Variants in THSD7A observed in about 807,000 individuals in gnomAD.
THSD7A encodes thrombospondin type 1 domain containing 7A.
A neutral mutation model predicts 231.3 loss-of-function variants in THSD7A; 96 were observed. The observed-to-expected ratio is 0.41, with a 90% CI of 0.35 to 0.49. The LOEUF (loss-of-function observed/expected upper bound fraction) is 0.49, where lower values mean the gene tolerates loss of function less well. Ranked by LOEUF, THSD7A falls within the 20% of genes least tolerant of loss-of-function variation. The probability of loss-of-function intolerance (pLI) is 0.05; values close to 1 mark genes in which losing one functional copy is unlikely to be tolerated. For synonymous variants in THSD7A, 940 were observed against 743.3 expected, an observed-to-expected ratio of 1.26 and a Z score of -4.30; for missense variants, 2,290 against 2,070.2, an observed-to-expected ratio of 1.11 and a Z score of -2.06.
intron 1 of THSD7A, among the ~76,000 whole-genome samples, chr7:11,743,384 C>G (rs943055151): frequency 1.1e-4 from 16 of 151,742 alleles, no homozygotes; most frequent in Admixed American, 2.6e-4. Flanking sequence ...CCTGAGACAT[C>G]AAATTTACAT....
At chr7:11,544,072 G>A (rs901892389) in intron 4 of THSD7A, among the ~76,000 whole-genome samples, 2 of 152,066 alleles carry the variant, frequency 1.3e-5, no homozygotes, top group Non-Finnish European at 1.5e-5. Context: ...GGCCAGGCAC[G>A]GTGGTTCATG....
intron 1 of THSD7A, among the ~76,000 whole-genome samples, chr7:11,748,271 C>G (rs984357791): frequency 6.6e-6 from 1 of 151,766 alleles, no homozygotes. Context: ...TAGTAACAAA[C>G]AGGTTTCTCT....
chr7:11,601,010 A>G (rs1438798985), intron 2 of THSD7A, among the ~76,000 whole-genome samples: 2 of 152,188 alleles, frequency 1.3e-5, no homozygotes, highest in Non-Finnish European at 2.9e-5. Context: ...GATGCTAACC[A>G]TGAAGCAAGA....
At chr7:11,819,042 T>C (rs1305766441) in intron 1 of THSD7A, among the ~76,000 whole-genome samples, 1 of 152,136 alleles carries the variant, frequency 6.6e-6, no homozygotes, top group Non-Finnish European at 1.5e-5. Context: ...AATGCAGATC[T>C]ATCACCAAAG....
intron 1 of THSD7A, among the ~76,000 whole-genome samples, chr7:11,797,006 A>C (rs1784143564): frequency 6.6e-6 from 1 of 152,106 alleles, no homozygotes; most frequent in Non-Finnish European, 1.5e-5. Flanking sequence ...ATGTCTGAAA[A>C]ATCCCTAAAA....
chr7:11,576,401 A>G (rs1236275798), intron 4 of THSD7A, among the ~76,000 whole-genome samples: 1 of 152,178 alleles, frequency 6.6e-6, no homozygotes, highest in East Asian at 1.9e-4. Context: ...AATATCTACT[A>G]TGGGGAAATC....
At chr7:11,769,153 A>ATATTTTTTTTTTT in intron 1 of THSD7A, among the ~76,000 whole-genome samples, 5 of 27,648 alleles carry the variant, frequency 1.8e-4, no homozygotes, top group Non-Finnish European at 2.8e-4. Flanking sequence ...ATATATATAT[A>ATATTTTTTTTTTT]TTTTTTTTTT....
intron 1 of THSD7A, among the ~76,000 whole-genome samples, chr7:11,777,628 T>C (rs1783456910): frequency 2.0e-5 from 3 of 152,208 alleles, no homozygotes; most frequent in Non-Finnish European, 4.4e-5. Flanking sequence ...GACTTCTGAA[T>C]TCCTATTGTT....
chr7:11,504,300 C>T (rs988091596), intron 6 of THSD7A, among the ~76,000 whole-genome samples: 15 of 151,946 alleles, frequency 9.9e-5, no homozygotes, highest in African/African-American at 3.6e-4. Context: ...GAGACACTGG[C>T]GTCCACTTGA....
At chr7:11,399,172 A>G (rs1783304464) in intron 23 of THSD7A, among the ~76,000 whole-genome samples, 1 of 152,180 alleles carries the variant, frequency 6.6e-6, no homozygotes, top group Non-Finnish European at 1.5e-5. Flanking sequence ...AGCCATTTAA[A>G]TTTTAGTTTG....
chr7:11,424,729 T>C lies in THSD7A; in HGVS notation c.3350A>G (p.Asn1117Ser), dbSNP rs1784261528. Residue 1117 changes from asparagine (N) to serine (S), a missense_variant, in exon 16 of 28, where the codon AAC becomes AGC. Physicochemically the swap from Asn to Ser is conservative, Grantham distance 46. Coordinates refer to ENST00000423059, the MANE Select transcript of THSD7A (RefSeq NM_015204.3). ...CKVTFVNMRE[N>S]CGEGVQTRKV... ...TCGGGTTTGCACGCCCTCTCCACAG[T>C]TCTCCCGCATATTCACAAAGGTCAC... 4 of 1,613,870 alleles carry C rather than the reference T, an allele frequency of 2.5e-6. No homozygotes were observed. Among genetic ancestry groups the C allele is most frequent in the African/African-American group, 1.3e-5 (1 of 74,918 alleles).
intron 6 of THSD7A, among the ~76,000 whole-genome samples, chr7:11,533,398 C>T (rs536407918): frequency 9.7e-4 from 147 of 152,258 alleles, no homozygotes; most frequent in Non-Finnish European, 1.7e-3. Context: ...AGAGCCTAAT[C>T]AAGGAACTTA....
intron 4 of THSD7A, among the ~76,000 whole-genome samples, chr7:11,581,741 A>G (rs1165245245): frequency 6.6e-6 from 1 of 152,088 alleles, no homozygotes; most frequent in Non-Finnish European, 1.5e-5. Context: ...ATCAAATGCC[A>G]TTTAATTGAT....
At position 11,460,745 on chromosome 7, in the gene THSD7A, C is replaced by G; in HGVS notation, c.2522G>C (p.Arg841Pro). Reference sequence around the variant, plus strand: ...GCTCCAAGGGACTAATTGGCATCTGCGCCATTTGTGAGTCTTCCACCTACA... The same window carrying G: ...GCTCCAAGGGACTAATTGGCATCTGGGCCATTTGTGAGTCTTCCACCTACA... ...QSYRWKTHKWRRCQLVPWSVQ... is the reference protein window; with the variant it reads ...QSYRWKTHKWPRCQLVPWSVQ... Residue 841 changes from arginine to proline, a missense_variant, in exon 11 of 28, where the codon CGC (arginine) becomes CCC (proline). Transcript: ENST00000423059. 1 of 1,611,964 alleles carries G rather than the reference C, an allele frequency of 6.2e-7. No individual in the cohort carries two copies. The highest frequency in any genetic ancestry group is 8.5e-7 in the Non-Finnish European group (1 of 1,179,080).
At chr7:11,677,178 G>A (rs1783673408) in intron 1 of THSD7A, among the ~76,000 whole-genome samples, 1 of 152,094 alleles carries the variant, frequency 6.6e-6, no homozygotes, top group African/African-American at 2.4e-5. Context: ...AGCTTCATGA[G>A]TGAAGGAGAA....
chr7:11,730,340 G>T (rs372914784), intron 1 of THSD7A, among the ~76,000 whole-genome samples: 96 of 151,562 alleles, frequency 6.3e-4, no homozygotes, highest in South Asian at 1.5e-3. Context: ...ATAAAGCAAA[G>T]AAAAATAAAT....
chr7:11,826,143 G>T (rs1051479387), intron 1 of THSD7A, among the ~76,000 whole-genome samples: 29 of 152,142 alleles, frequency 1.9e-4, no homozygotes, highest in African/African-American at 7.0e-4. Flanking sequence ...CAATTACTAT[G>T]TAAAGGACAC....
chr7:11,745,130 C>G (rs368842838), intron 1 of THSD7A, among the ~76,000 whole-genome samples: 4 of 152,096 alleles, frequency 2.6e-5, no homozygotes, highest in East Asian at 3.9e-4. Context: ...TTAATAATCG[C>G]CACTCTAACT....
chr7:11,636,186 T>C lies in THSD7A; in HGVS notation c.966A>G (p.Gly322=), dbSNP rs1215569870. The change falls in exon 2 of 28, where the codon GGA becomes GGG. Residue 322 remains glycine, a synonymous_variant. Transcript: ENST00000423059. This position sits in a 1 kb window ranked among gnomAD's most constrained non-coding sequence, Gnocchi z 10.0. The part of the protein sequence containing the change: ...QENKYWDIQI[G]YQTREVMCIN... Reference sequence around the variant, plus strand: ...TGCACATAACCTCTCTGGTCTGATATCCAATCTGGATGTCCCAATATTTGT... The same window carrying C: ...TGCACATAACCTCTCTGGTCTGATACCCAATCTGGATGTCCCAATATTTGT... The C allele has an allele frequency of 6.2e-7, 1 of 1,613,912 alleles. No individual in the cohort carries two copies. The highest frequency in any genetic ancestry group is 1.1e-5 in the South Asian group (1 of 91,084).
Sources: allele counts gnomAD v4.1 joint callset (sites outside exome capture counted in the v4.1 genomes callset), GRCh38; gene constraint gnomAD v4.1.1; non-coding constraint Gnocchi (gnomAD v3.1); transcripts MANE v1.5; gene names NCBI Gene and HGNC (gene_info 2026-07-23, HGNC 2026-07-21).